The following MIOS variants were observed in gnomAD, a reference collection of about 807,000 sequenced individuals.
MIOS encodes the protein meiosis regulator for oocyte development.
Under a neutral mutation model 96.9 loss-of-function variants are expected in MIOS, and 52 were observed. The observed-to-expected ratio is 0.54, with a 90% CI of 0.43 to 0.68. The LOEUF is 0.68. Among genes scored for constraint, MIOS ranks in the 30% least tolerant of loss-of-function variants. The probability of loss-of-function intolerance (pLI) is 0.00; values close to 1 mark genes in which losing one functional copy is unlikely to be tolerated. For missense variants in MIOS, 1,005 were observed against 1,052.8 expected (o/e 0.95, Z 0.63); for synonymous variants, 397 against 359.5 (o/e 1.10, Z -1.18).
At chr7:7,571,518 G>C (rs561403852) in intron 3 of MIOS, among the ~76,000 whole-genome samples, 2 of 152,226 alleles carry the variant, frequency 1.3e-5, no homozygotes, top group South Asian at 4.1e-4. Context: ...ATTTAGCATA[G>C]CATACCATGA....
intron 9 of MIOS, among the ~76,000 whole-genome samples, chr7:7,593,226 A>T (rs1189753131): frequency 6.6e-6 from 1 of 152,172 alleles, no homozygotes; most frequent in Non-Finnish European, 1.5e-5. Flanking sequence ...ACTTGGTCAT[A>T]ATTAGGGCTA....
intron 9 of MIOS, among the ~76,000 whole-genome samples, chr7:7,593,991 A>C (rs1197690034): frequency 6.6e-6 from 1 of 152,112 alleles, no homozygotes; most frequent in African/African-American, 2.4e-5. Flanking sequence ...GAAAATTATT[A>C]CTGGCAAGAA....
intron 11 of MIOS, among the ~76,000 whole-genome samples, chr7:7,599,005 G>A (rs1784294541): frequency 6.6e-6 from 1 of 151,934 alleles, no homozygotes; most frequent in Non-Finnish European, 1.5e-5. Context: ...CTGATGTGCT[G>A]AGATGAATAA....
At chr7:7,603,136 A>G (rs1160241713) in intron 11 of MIOS, among the ~76,000 whole-genome samples, 1 of 152,206 alleles carries the variant, frequency 6.6e-6, no homozygotes, top group East Asian at 1.9e-4. Flanking sequence ...AGGCAATACC[A>G]TTCAGGACAT....
At chr7:7,588,984 C>T (rs1285936479) in intron 8 of MIOS, among the ~76,000 whole-genome samples, 2 of 152,004 alleles carry the variant, frequency 1.3e-5, no homozygotes, top group African/African-American at 4.8e-5. Context: ...ATGGAGGAAT[C>T]TTGGCAAGAG....
At chr7:7,593,067 T>TA (rs1784095238) in intron 9 of MIOS, among the ~76,000 whole-genome samples, 1 of 152,248 alleles carries the variant, frequency 6.6e-6, no homozygotes, top group South Asian at 2.1e-4. Context: ...AGAGAAGACT[T>TA]ACTGTATATG....
At chr7:7,594,011 C>G (rs981092237) in intron 9 of MIOS, among the ~76,000 whole-genome samples, 3 of 151,740 alleles carry the variant, frequency 2.0e-5, no homozygotes, top group East Asian at 3.9e-4. Context: ...ACTTGAAGAT[C>G]TTAATGAGAA....
intron 11 of MIOS, among the ~76,000 whole-genome samples, chr7:7,604,605 A>G (rs1425011909): frequency 6.6e-6 from 1 of 152,330 alleles, no homozygotes; most frequent in African/African-American, 2.4e-5. Flanking sequence ...TTCTTCTTAC[A>G]TTATGAGTTA....
Position 7,573,347 on chromosome 7 carries a change from A to C in MIOS, c.872A>C (p.Asn291Thr), listed in dbSNP as rs749936766. 2 of 1,614,008 alleles carry C rather than the reference A, an allele frequency of 1.2e-6. No individual in the cohort carries two copies. The highest frequency in any genetic ancestry group is 2.7e-5 in the African/African-American group (2 of 74,922). Residue 291 changes from asparagine to threonine, a missense_variant, in exon 4 of 13, where the codon AAT becomes ACT. This residue lies in a region of MIOS where 865 missense variants were observed against 887.9 expected (regional missense o/e 0.97). Transcript: ENST00000340080. The surrounding 1 kb of genome is among the most constrained non-coding windows in gnomAD (Gnocchi z 5.0). ...CTTGCCACTTTAACAAGGGATAGTA[A>C]TATTATTAGATTGTATGATATGCAG... ...GLLATLTRDSNIIRLYDMQHT... is the reference protein window; with the variant it reads ...GLLATLTRDSTIIRLYDMQHT...
intron 11 of MIOS, among the ~76,000 whole-genome samples, chr7:7,598,865 A>G (rs1454819498): frequency 6.6e-6 from 1 of 152,164 alleles, no homozygotes; most frequent in Non-Finnish European, 1.5e-5. Context: ...AATAGCACTC[A>G]GGTTTATCAA....
At chr7:7,571,460 A>C in intron 3 of MIOS, among the ~76,000 whole-genome samples, 1 of 152,216 alleles carries the variant, frequency 6.6e-6, no homozygotes, top group Non-Finnish European at 1.5e-5. Context: ...GATAAAACAC[A>C]ATCAAGCCTT....
At chr7:7,594,022 G>A (rs537558078) in intron 9 of MIOS, among the ~76,000 whole-genome samples, 3 of 151,934 alleles carry the variant, frequency 2.0e-5, no homozygotes, top group East Asian at 3.9e-4. Flanking sequence ...TTAATGAGAA[G>A]AACTCTAAAG....
chr7:7,591,254 C>T (rs1784040328), intron 9 of MIOS, among the ~76,000 whole-genome samples: 1 of 147,692 alleles, frequency 6.8e-6, no homozygotes, highest in Admixed American at 6.8e-5. Context: ...ATCAGCTGTT[C>T]TTATGCTTGT....
At chr7:7,585,960 CTCT>C (rs1419203609) in intron 7 of MIOS, among the ~76,000 whole-genome samples, 155 bp downstream of exon 7, 2 of 151,384 alleles carry the variant, frequency 1.3e-5, no homozygotes, top group African/African-American at 2.4e-5. Flanking sequence ...TTTTGAGCAG[CTCT>C]TCTTGAGTGT....
chr7:7,581,511 C>G (rs10224056), intron 5 of MIOS, among the ~76,000 whole-genome samples: 1 of 152,034 alleles, frequency 6.6e-6, no homozygotes, highest in Admixed American at 6.5e-5. Context: ...TAGCTGGGTC[C>G]TCTGTTGAGA....
chr7:7,597,813 G>A (rs1019785669), intron 11 of MIOS, among the ~76,000 whole-genome samples: 1 of 151,590 alleles, frequency 6.6e-6, no homozygotes, highest in African/African-American at 2.4e-5. Context: ...CCTGGGCTCA[G>A]GTGATCCTCC....
chr7:7,600,712 C>T (rs375892552), intron 11 of MIOS, among the ~76,000 whole-genome samples: 65 of 152,206 alleles, frequency 4.3e-4, no homozygotes, highest in Admixed American at 3.1e-3. Context: ...CTGCACCAAG[C>T]GGACCTAATA....
At chr7:7,571,064 A>G (rs936627894) in intron 3 of MIOS, among the ~76,000 whole-genome samples, 1 of 152,370 alleles carries the variant, frequency 6.6e-6, no homozygotes. Context: ...GCCAGGCTCT[A>G]TATATGGCAC....
chr7:7,602,942 C>G lies in MIOS; in HGVS notation c.2402-3000C>G, dbSNP rs1202886074. Among the ~76,000 whole-genome samples the G allele has an allele frequency of 2.0e-5, 3 of 152,086 alleles. No homozygotes were observed. The South Asian group carries it at 6.2e-4, about 32-fold the overall frequency. ...CTATCTACAACCATCTGATCTTTGA[C>G]AAACCTGAGAAAAACAAGCAATGGG... On this transcript the variant is annotated intron_variant, in intron 11 of 12. Coordinates refer to ENST00000340080, the MANE Select transcript of MIOS (RefSeq NM_019005.4).
Sources: allele counts gnomAD v4.1 joint callset (sites outside exome capture counted in the v4.1 genomes callset), GRCh38; gene constraint gnomAD v4.1.1; regional missense constraint gnomAD v4.1.1; non-coding constraint Gnocchi (gnomAD v3.1); transcripts MANE v1.5; gene names NCBI Gene and HGNC (gene_info 2026-07-23, HGNC 2026-07-21).